The following HHLA1 variants were observed in gnomAD, a reference collection of about 807,000 sequenced individuals.
HHLA1 encodes the protein HERV-H LTR-associating protein 1.
HHLA1 carries 72 observed loss-of-function variants against 69.9 expected under a neutral mutation model. That is an observed-to-expected ratio of 1.03 (90% confidence interval 0.85 to 1.25). The LOEUF (loss-of-function observed/expected upper bound fraction) is 1.25. Among genes scored for constraint, HHLA1 ranks in the 50% most tolerant of loss-of-function variants. HHLA1 has a pLI of 0.00. For missense variants in HHLA1, 685 were observed against 642.2 expected (o/e 1.07, Z -0.72); for synonymous variants, 252 against 233.2 (o/e 1.08, Z -0.73).
At chr8:132,094,239 C>G (rs1823986691) in intron 7 of HHLA1, among the ~76,000 whole-genome samples, 1 of 152,134 alleles carries the variant, frequency 6.6e-6, no homozygotes, top group Non-Finnish European at 1.5e-5. Context: ...CTTTGGTTGC[C>G]TTTAGTGCTT....
At chr8:132,078,235 A>G (rs1314836353) in intron 11 of HHLA1, among the ~76,000 whole-genome samples, 1 of 151,128 alleles carries the variant, frequency 6.6e-6, no homozygotes, top group Non-Finnish European at 1.5e-5. Context: ...CTAGGACCCC[A>G]GGCGTGTGTG....
At chr8:132,084,197 G>A (rs150243152) in intron 10 of HHLA1, among the ~76,000 whole-genome samples, 15,026 of 152,094 alleles carry the variant, frequency 0.099, 1,002 homozygotes, top group Middle Eastern at 0.19. Context: ...ACTGTAAGCC[G>A]GACCAGGTGT....
At chr8:132,073,029 T>C (rs919516701) in intron 14 of HHLA1, among the ~76,000 whole-genome samples, 1 of 152,276 alleles carries the variant, frequency 6.6e-6, no homozygotes, top group Non-Finnish European at 1.5e-5. Context: ...TCTGGTTTCC[T>C]CATTACTTAA....
At chr8:132,102,792 ATTTTTTTTTTTT>A (rs3048490) in intron 3 of HHLA1, among the ~76,000 whole-genome samples, 83,901 of 143,886 alleles carry the variant, frequency 0.58, 24,327 homozygotes, top group Admixed American at 0.63. Flanking sequence ...ACTGAGCACC[ATTTTTTTTTTTT>A]TTTTTTTTTT....
intron 10 of HHLA1, among the ~76,000 whole-genome samples, chr8:132,086,323 C>A (rs1301055937): frequency 6.7e-6 from 1 of 150,298 alleles, no homozygotes; most frequent in East Asian, 1.9e-4. Flanking sequence ...GCCCTCACCT[C>A]CCCCAGAATG....
At chr8:132,093,776 C>T (rs574566997) in intron 7 of HHLA1, among the ~76,000 whole-genome samples, 74 of 152,246 alleles carry the variant, frequency 4.9e-4, no homozygotes, top group African/African-American at 1.7e-3. Context: ...GGGACTCACC[C>T]AGCACAGACT....
rs559193377 is a variant in HHLA1, at chr8:132,104,676, A to G, written c.80-509T>C. 2.0e-5 allele frequency among the ~76,000 whole-genome samples: 3 copies of G among 152,330 alleles called. No homozygotes were observed. The South Asian group carries it at 6.2e-4, about 32-fold the overall frequency. ...AAAGAAGGCCAACAGTGATGGGGGCATAAAGAATGAAGGAGGTGGAGGTGG... is the reference window on the plus strand; with the variant it reads ...AAAGAAGGCCAACAGTGATGGGGGCGTAAAGAATGAAGGAGGTGGAGGTGG... On this transcript the variant is annotated intron_variant, in intron 2 of 16. Transcript: ENST00000414222.
At chr8:132,086,689 C>T (rs1431899959) in intron 10 of HHLA1, among the ~76,000 whole-genome samples, 1 of 152,148 alleles carries the variant, frequency 6.6e-6, no homozygotes, top group Non-Finnish European at 1.5e-5. Flanking sequence ...TGACTCAACC[C>T]TAAGATCTGT....
intron 15 of HHLA1, among the ~76,000 whole-genome samples, chr8:132,066,377 C>T (rs1563738806): frequency 6.6e-6 from 1 of 152,134 alleles, no homozygotes; most frequent in Non-Finnish European, 1.5e-5. Context: ...TACATGGTGA[C>T]ATTTGTCTGT....
In HHLA1 at chr8:132,095,714, GC is replaced by G. The variant is rs1476196792; in HGVS notation, c.352del (p.Ala118LeufsTer8). The G allele has an allele frequency of 5.2e-6, 8 of 1,551,082 alleles. No individual in the cohort carries two copies. The East Asian group carries it at 1.5e-4, about 28-fold the overall frequency. ...CAGCCAGCACTCACTGTTGTAAACA[GC>G]TACAGAAAACTTGTGGAAGGCGAAG... is the stretch of plus-strand genomic sequence containing the variant. ...SSFAFHKFSV[A>X]VYNISNLKTV... On this transcript the variant is annotated frameshift_variant, in exon 6 of 17. Transcript: ENST00000414222. LOFTEE classifies it high-confidence loss of function.
At chr8:132,089,376 A>C in intron 8 of HHLA1, 140 bp downstream of exon 8, 1 of 675,564 alleles carries the variant, frequency 1.5e-6, no homozygotes, top group Non-Finnish European at 2.7e-6. Context: ...CACACTGATT[A>C]TCTAAATAAA....
At chr8:132,066,141 G>C (rs1823435050) in intron 15 of HHLA1, among the ~76,000 whole-genome samples, 173 bp from the exon 16 acceptor site, 1 of 152,002 alleles carries the variant, frequency 6.6e-6, no homozygotes, top group African/African-American at 2.4e-5. Context: ...AAAGAAGGCT[G>C]GGTAGGAAGA....
rs1034791646 is a variant in HHLA1 at position 132,065,897 on chromosome 8, G to A, written c.1541C>T (p.Ser514Phe). Residue 514 changes from serine (S) to phenylalanine (F), a missense_variant, in exon 16 of 17, where the codon TCC becomes TTC. Physicochemically the swap from Ser to Phe is radical, Grantham distance 155. Coordinates refer to ENST00000414222, the MANE Select transcript of HHLA1 (RefSeq NM_001145095.3). ...TYICQRVKRV[S>F]HSHTLKQKCL... ...AGCTGTGTACTTACTGTGCGAGTGG[G>A]ACACCCTTTTCACCCTCTGACAGAT... 1.5e-6 allele frequency: 2 copies of A among 1,299,272 alleles called. No homozygotes were observed. 80.5% of individuals were successfully genotyped at this position (1,299,272 alleles called of 1,614,324 possible). A position where few individuals can be genotyped will look rare whatever the true frequency, so the allele number is the denominator to read the frequency against.
chr8:132,080,204 T>C (rs1201437871), intron 10 of HHLA1: 1 of 635,852 alleles, frequency 1.6e-6, no homozygotes, highest in African/African-American at 1.8e-5. Flanking sequence ...GAGGAATTAG[T>C]CTCCTCCATA....
At chr8:132,081,282 G>T (rs561353997) in intron 10 of HHLA1, among the ~76,000 whole-genome samples, 1 of 152,192 alleles carries the variant, frequency 6.6e-6, no homozygotes, top group Non-Finnish European at 1.5e-5. Flanking sequence ...GTCTAAGTTG[G>T]TCTGGTGTCT....
chr8:132,084,297 T>G (rs1823820891), intron 10 of HHLA1, among the ~76,000 whole-genome samples: 2 of 151,744 alleles, frequency 1.3e-5, no homozygotes, highest in Admixed American at 1.3e-4. Flanking sequence ...AGGAGCAGCC[T>G]GGGGAGGAAG....
rs538025754 is a variant in HHLA1 at position 132,077,077 on chromosome 8, C to G, written c.1172-534G>C. Among the ~76,000 whole-genome samples the G allele has an allele frequency of 2.0e-5, 3 of 152,170 alleles. No homozygotes were observed. The South Asian group carries it at 6.2e-4, about 32-fold the overall frequency. Reference sequence around the variant, plus strand: ...AGATTCTGGCCTCTGGCGAAACCAGCAATACAGTCTCCTTGTAGGAGACCA... The same window carrying G: ...AGATTCTGGCCTCTGGCGAAACCAGGAATACAGTCTCCTTGTAGGAGACCA... On this transcript the variant is annotated intron_variant, in intron 12 of 16. Transcript: ENST00000414222.
At chr8:132,077,243 A>G (rs573179064) in intron 12 of HHLA1, among the ~76,000 whole-genome samples, 1 of 152,172 alleles carries the variant, frequency 6.6e-6, no homozygotes, top group Non-Finnish European at 1.5e-5. Context: ...GTCAAGCAGC[A>G]CAGCAGTTCT....
At chr8:132,080,244 G>A (rs747847582) in intron 10 of HHLA1, 31 of 488,486 alleles carry the variant, frequency 6.3e-5, no homozygotes, top group South Asian at 5.3e-4. Flanking sequence ...AATTTCATGT[G>A]CGTCCGTGTG....
Sources: gnomAD v4.1 joint callset for allele counts (sites outside exome capture counted in the v4.1 genomes callset) on GRCh38, gnomAD v4.1.1 for gene constraint, MANE v1.5 for transcripts, NCBI Gene and HGNC (gene_info 2026-07-23, HGNC 2026-07-21) for gene names.